The following TPCN1 variants were observed in gnomAD, a reference collection of about 807,000 sequenced individuals.
TPCN1 encodes two pore segment channel 1.
In TPCN1, 52 loss-of-function variants were observed where a neutral mutation model predicts 108.8. The ratio of observed to expected loss-of-function variants is 0.48; its 90% CI spans 0.38 to 0.60. The LOEUF is 0.60. Among genes scored for constraint, TPCN1 ranks in the 20% least tolerant of loss-of-function variants. The probability of loss-of-function intolerance (pLI) is 0.00; values close to 1 mark genes in which losing one functional copy is unlikely to be tolerated. For synonymous variants in TPCN1, 446 were observed against 433.7 expected, an observed-to-expected ratio of 1.03 and a Z score of -0.35; for missense variants, 806 against 1,072.8, an observed-to-expected ratio of 0.75 and a Z score of 3.47.
chr12:113,291,214 C>A (rs909379806), intron 23 of TPCN1, among the ~76,000 whole-genome samples: 2 of 152,200 alleles, frequency 1.3e-5, no homozygotes, highest in Non-Finnish European at 2.9e-5. Context: ...ACTCCCATCT[C>A]CCTGCATGTC....
Position 113,291,686 on chromosome 12 carries a change from C to CG in TPCN1, c.2028+11dup. The CG allele has an allele frequency of 6.2e-7, 1 of 1,613,210 alleles. No homozygotes were observed. The highest frequency in any genetic ancestry group is 8.5e-7 in the Non-Finnish European group (1 of 1,179,554). On this transcript the variant is annotated intron_variant, in intron 24 of 27. Transcript: ENST00000335509. ...TTTACATTGTGACCATGGTAGGTCC[C>CG]GGACCACAGAACGCTCTTTGTCCTT...
At position 113,273,930 on chromosome 12, in the gene TPCN1, A is replaced by G. The variant is rs1297280020; in HGVS notation, c.942+262A>G. Among the ~76,000 whole-genome samples, 1 of 152,202 alleles carries G rather than the reference A, an allele frequency of 6.6e-6. No individual in the cohort carries two copies. The highest frequency in any genetic ancestry group is 1.5e-5 in the Non-Finnish European group (1 of 68,032). On this transcript the variant is annotated intron_variant, in intron 10 of 27. Transcript: ENST00000335509. This position sits in a 1 kb window ranked among gnomAD's most constrained non-coding sequence, Gnocchi z 4.0. Reference sequence around the variant, plus strand: ...GTAGTGCTGGATGTGAAACCCAGGCAACCCTGGGACCTTTTCATTCTTACA... The same window carrying G: ...GTAGTGCTGGATGTGAAACCCAGGCGACCCTGGGACCTTTTCATTCTTACA...
chr12:113,278,908 G>A lies in TPCN1; in HGVS notation c.1297+73G>A, dbSNP rs74793091. The A allele has an allele frequency of 8.8e-3, 12,226 of 1,390,074 alleles. 322 individuals are homozygous for A. Among genetic ancestry groups the A allele is most frequent in the East Asian group, 0.071 (3,118 of 43,732 alleles). The allele number at this position is 1,390,074 out of a possible 1,614,324, so 86.1% of individuals were successfully genotyped here. Reference sequence around the variant, plus strand: ...AGGTTTTCAGAGACCACAGATAAGCGTCTGAGGAGAGGTTCAGAGGGGTGT... The same window carrying A: ...AGGTTTTCAGAGACCACAGATAAGCATCTGAGGAGAGGTTCAGAGGGGTGT... On this transcript the variant is annotated intron_variant, in intron 14 of 27. Coordinates refer to ENST00000335509, the MANE Select transcript of TPCN1 (RefSeq NM_017901.6).
chr12:113,271,028 C>G (rs1955478078), intron 7 of TPCN1, among the ~76,000 whole-genome samples: 2 of 152,100 alleles, frequency 1.3e-5, no homozygotes, highest in African/African-American at 2.4e-5. Flanking sequence ...GAGGAGGAGG[C>G]AGGCAGATCG....
intron 14 of TPCN1, among the ~76,000 whole-genome samples, chr12:113,279,789 GA>G (rs1218735009): frequency 6.6e-6 from 1 of 152,134 alleles, no homozygotes; most frequent in Non-Finnish European, 1.5e-5. Context: ...TGTAAAGTTT[GA>G]AAATTTGAAA....
At chr12:113,229,851 T>C (rs1435961085) in intron 2 of TPCN1, among the ~76,000 whole-genome samples, 1 of 152,208 alleles carries the variant, frequency 6.6e-6, no homozygotes, top group Non-Finnish European at 1.5e-5. Context: ...TAAAGCTTCC[T>C]GGGACTTTCC....
At chr12:113,252,922 C>A (rs767851809) in intron 2 of TPCN1, among the ~76,000 whole-genome samples, 4 of 152,140 alleles carry the variant, frequency 2.6e-5, no homozygotes, top group African/African-American at 4.8e-5. Flanking sequence ...AAGTTCAAAC[C>A]GCACCCAGAT....
chr12:113,291,702 C>A, intron 24 of TPCN1, 25 bp downstream of exon 24: 2 of 1,610,538 alleles, frequency 1.2e-6, no homozygotes, highest in South Asian at 2.2e-5. Context: ...ACAGAACGCT[C>A]TTTGTCCTTC....
chr12:113,286,191 G>C (rs574791665), intron 18 of TPCN1, among the ~76,000 whole-genome samples: 1 of 152,136 alleles, frequency 6.6e-6, no homozygotes, highest in Admixed American at 6.5e-5. Flanking sequence ...TTCTGGAAAC[G>C]GCCTCTTGAG....
intron 14 of TPCN1, among the ~76,000 whole-genome samples, chr12:113,279,380 TATA>T (rs1955800572): frequency 3.2e-4 from 11 of 33,990 alleles, no homozygotes; most frequent in African/African-American, 1.1e-3. Context: ...TATATATATA[TATA>T]TATATATATT....
intron 2 of TPCN1, among the ~76,000 whole-genome samples, chr12:113,234,454 G>A (rs745703382): frequency 1.3e-5 from 2 of 152,210 alleles, no homozygotes; most frequent in Non-Finnish European, 2.9e-5. Context: ...CTCTGAGGTT[G>A]TTGACTCCCA....
chr12:113,235,817 G>T (rs1472648182), intron 2 of TPCN1, among the ~76,000 whole-genome samples: 1 of 152,182 alleles, frequency 6.6e-6, no homozygotes, highest in Non-Finnish European at 1.5e-5. Context: ...CTTCCTCTTG[G>T]TGAGGGGTTG....
chr12:113,233,762 C>T (rs997348206), intron 2 of TPCN1, among the ~76,000 whole-genome samples: 5 of 152,234 alleles, frequency 3.3e-5, no homozygotes, highest in Admixed American at 6.5e-5. Context: ...TTTGGTCCTC[C>T]CTCCCAGCAG....
In TPCN1 at chr12:113,266,827, C is replaced by T. The variant is rs1955280426; in HGVS notation, c.414+471C>T. On this transcript the variant is annotated intron_variant, in intron 4 of 27. Transcript: ENST00000335509. This position sits in a 1 kb window ranked among gnomAD's most constrained non-coding sequence, Gnocchi z 4.2. ...AGAACAGGTGTGGAGCTGTGCTTGT[C>T]CCCTTCTCAAGGGGTGTGTGGTAGG... is the stretch of plus-strand genomic sequence containing the variant. 2.0e-5 allele frequency among the ~76,000 whole-genome samples: 3 copies of T among 152,186 alleles called. 1 individual carries two copies. In the South Asian group the frequency reaches 6.2e-4, roughly 32 times the overall value.
In TPCN1 at chr12:113,232,948, G is replaced by T. The variant is rs946595735; in HGVS notation, c.112+5984G>T. Among the ~76,000 whole-genome samples, 1 of 152,206 alleles carries T rather than the reference G, an allele frequency of 6.6e-6. No homozygotes were observed. Among genetic ancestry groups the T allele is most frequent in the Non-Finnish European group, 1.5e-5 (1 of 68,030 alleles). On this transcript the variant is annotated intron_variant, in intron 2 of 27. Transcript: ENST00000335509. The surrounding 1 kb of genome is among the most constrained non-coding windows in gnomAD (Gnocchi z 5.6). ...CCAAGCAGCAATTAGATTTTCACAG[G>T]CTCCCACCGAGCTTGGGCATTTGGC...
rs7307222 is a variant in TPCN1, at chr12:113,227,013, G to A, written c.112+49G>A. 8.4e-3 allele frequency: 12,781 copies of A among 1,518,646 alleles called. 657 individuals are homozygous for A. In the East Asian group the frequency reaches 0.16, roughly 19 times the overall value. 94.1% of individuals were successfully genotyped at this position (1,518,646 alleles called of 1,614,324 possible). ...GGGACCCCAGCTTTTCTGTTTCAGA[G>A]GCTGAGAGGTGATAAGCGCTTTGTG... On this transcript the variant is annotated intron_variant, in intron 2 of 27. Coordinates refer to ENST00000335509, the MANE Select transcript of TPCN1 (RefSeq NM_017901.6).
intron 2 of TPCN1, among the ~76,000 whole-genome samples, chr12:113,243,519 C>T (rs1048627341): frequency 1.3e-5 from 2 of 151,658 alleles, no homozygotes; most frequent in Non-Finnish European, 2.9e-5. Context: ...TTTGGGAGGC[C>T]GAGGTGGGTG....
At chr12:113,292,003 A>G (rs760404711) in intron 25 of TPCN1, 45 bp downstream of exon 25, 11 of 1,551,842 alleles carry the variant, frequency 7.1e-6, no homozygotes. Context: ...TCTGCCGCCT[A>G]CCCAGCTCTG....
At position 113,294,850 on chromosome 12, in the gene TPCN1, T is replaced by C. The variant is rs561085962; in HGVS notation, c.2335-1110T>C. On this transcript the variant is annotated intron_variant, in intron 27 of 27. Transcript: ENST00000335509. Reference sequence around the variant, plus strand: ...CGGGGAGCCTCTCCCACACCAGCTATGGTGGCTTTGCTCTGTTTTCTGGCA... The same window carrying C: ...CGGGGAGCCTCTCCCACACCAGCTACGGTGGCTTTGCTCTGTTTTCTGGCA... 7.2e-5 allele frequency among the ~76,000 whole-genome samples: 11 copies of C among 152,270 alleles called. No individual in the cohort carries two copies. The South Asian group carries it at 1.9e-3, about 26-fold the overall frequency.
Sources: gnomAD v4.1 joint callset for allele counts (sites outside exome capture counted in the v4.1 genomes callset) on GRCh38, gnomAD v4.1.1 for gene constraint, Gnocchi (gnomAD v3.1) non-coding constraint, MANE v1.5 for transcripts, NCBI Gene and HGNC (gene_info 2026-07-23, HGNC 2026-07-21) for gene names.